ZNF875: variants seen among roughly 807,000 people sequenced by gnomAD.
ZNF875 encodes HKR1, GLI-Kruppel zinc finger family member.
In ZNF875, 14 loss-of-function variants were observed where a neutral mutation model predicts 11.2. The observed-to-expected ratio is 1.26, with a 90% CI of 0.83 to 1.96. The LOEUF (loss-of-function observed/expected upper bound fraction) is 1.96, where lower values mean the gene tolerates loss of function less well. Ranked by LOEUF, ZNF875 falls within the 30% of genes most tolerant of loss-of-function variation. ZNF875 has a pLI of 0.00. For missense variants in ZNF875, 752 were observed against 760.4 expected (o/e 0.99, Z 0.13); for synonymous variants, 301 against 281.1 (o/e 1.07, Z -0.71).
At chr19:37,317,638 G>C (rs368915503), upstream of ZNF875, among the ~76,000 whole-genome samples, 1 of 152,212 alleles carries the variant, frequency 6.6e-6, no homozygotes, top group Non-Finnish European at 1.5e-5. Flanking sequence ...TTGGTTTGGC[G>C]CAGCGGGTAG....
intron 4 of ZNF875, chr19:37,357,929 G>A (rs1197871808): frequency 1.0e-5 from 4 of 398,262 alleles, no homozygotes; most frequent in African/African-American, 6.2e-5. Flanking sequence ...CGAGTGGTGA[G>A]AGCAGACATC....
chr19:37,325,468 T>A (rs545852212), intron 4 of ZNF875, among the ~76,000 whole-genome samples: 1 of 152,366 alleles, frequency 6.6e-6, no homozygotes, highest in South Asian at 2.1e-4. Flanking sequence ...AATTAATGTT[T>A]TATTTCACCT....
chr19:37,330,807 A>G (rs2033250878), upstream of ZNF875, among the ~76,000 whole-genome samples: 1 of 152,164 alleles, frequency 6.6e-6, no homozygotes, highest in African/African-American at 2.4e-5. Context: ...TCTGTCCCCA[A>G]GATTCTGGAA....
chr19:37,343,822 G>T (rs2036250034), intron 2 of ZNF875, among the ~76,000 whole-genome samples: 1 of 152,106 alleles, frequency 6.6e-6, no homozygotes, highest in Non-Finnish European at 1.5e-5. Flanking sequence ...GGCCATCACT[G>T]TACCCATCCA....
Position 37,362,126 on chromosome 19 carries a change from C to G in ZNF875, c.274C>G (p.Gln92Glu). Reference protein sequence around the residue: ...DLCPESKPEIQLSPSCPLIFS... With the variant: ...DLCPESKPEIELSPSCPLIFS... ...TTCAGCAGAATCGAAGCCAGAAATTCAACTTAGTCCCTCCTGCCCTCTGAT... is the reference window on the plus strand; with the variant it reads ...TTCAGCAGAATCGAAGCCAGAAATTGAACTTAGTCCCTCCTGCCCTCTGAT... Residue 92 changes from glutamine to glutamate, a missense_variant, in exon 5 of 5, where the codon CAA (glutamine) becomes GAA (glutamate). Physicochemically the swap from Gln to Glu is conservative, Grantham distance 29. Transcript: ENST00000392153. The G allele has an allele frequency of 6.2e-7, 1 of 1,610,798 alleles. No individual in the cohort carries two copies. The highest frequency in any genetic ancestry group is 8.5e-7 in the Non-Finnish European group (1 of 1,178,380).
intron 1 of ZNF875, among the ~76,000 whole-genome samples, chr19:37,321,161 C>A (rs1461352329): frequency 6.6e-6 from 1 of 152,006 alleles, no homozygotes; most frequent in East Asian, 1.9e-4. Context: ...GAATATGGCC[C>A]CGTGGGAAGG....
Position 37,363,416 on chromosome 19 carries a change from A to G in ZNF875, c.1564A>G (p.Ile522Val). The change falls in exon 5 of 5, where the codon ATT becomes GTT. Residue 522 changes from isoleucine to valine, a missense_variant. By Grantham distance (29) the Ile-to-Val change is conservative (BLOSUM62 3). Coordinates refer to ENST00000392153, the MANE Select transcript of ZNF875 (RefSeq NM_001353803.2). ...AGGCTTTAATGATAAGTCCACCCTCATTTCACACCAGAGGACACATTCAGG... is the reference window on the plus strand; with the variant it reads ...AGGCTTTAATGATAAGTCCACCCTCGTTTCACACCAGAGGACACATTCAGG... Reference protein sequence around the residue: ...GRGFNDKSTLISHQRTHSGEK... With the variant: ...GRGFNDKSTLVSHQRTHSGEK... The G allele has an allele frequency of 6.2e-7, 1 of 1,614,022 alleles. No homozygotes were observed. Among genetic ancestry groups the G allele is most frequent in the Non-Finnish European group, 8.5e-7 (1 of 1,179,970 alleles).
At chr19:37,323,196 C>A (rs2031822320) in intron 2 of ZNF875, among the ~76,000 whole-genome samples, 1 of 151,852 alleles carries the variant, frequency 6.6e-6, no homozygotes, top group South Asian at 2.1e-4. Flanking sequence ...CTCTGTTTCC[C>A]AGGCTGGAGT....
intron 2 of ZNF875, among the ~76,000 whole-genome samples, chr19:37,323,186 C>G (rs2031819147): frequency 6.6e-6 from 1 of 151,304 alleles, no homozygotes; most frequent in Non-Finnish European, 1.5e-5. Context: ...CAGAGTCTCA[C>G]TCTGTTTCCC....
intron 4 of ZNF875, among the ~76,000 whole-genome samples, chr19:37,349,097 A>G (rs1489107013): frequency 6.6e-6 from 1 of 152,048 alleles, no homozygotes; most frequent in Non-Finnish European, 1.5e-5. Flanking sequence ...GCAGAGTCCC[A>G]GTCTCTGCCT....
At chr19:37,335,121 G>A (rs763806484) in intron 1 of ZNF875, 48 bp from the exon 2 acceptor site, 76 of 677,100 alleles carry the variant, frequency 1.1e-4, no homozygotes, top group Non-Finnish European at 1.9e-4. Context: ...CACTTCGTGG[G>A]GAGGGTGTTT....
chr19:37,341,868 A>C (rs1031496580), intron 2 of ZNF875, among the ~76,000 whole-genome samples: 3 of 152,212 alleles, frequency 2.0e-5, no homozygotes, highest in African/African-American at 7.2e-5. Flanking sequence ...CCTACCTAAC[A>C]TACAGTGGTG....
In ZNF875 at chr19:37,362,375, A is replaced by G. The variant is rs1007007851; in HGVS notation, c.523A>G (p.Lys175Glu). The G allele has an allele frequency of 6.2e-7, 1 of 1,614,036 alleles. No homozygotes were observed. The highest frequency in any genetic ancestry group is 1.3e-5 in the African/African-American group (1 of 74,938). ...FGRVSKNGTS[K>E]ALSSPPEEQQ... is the part of the protein sequence containing the mutation. ...GAGAGTAAGCAAAAATGGCACTTCAAAGGCACTTTCCAGCCCACCTGAAGA... is the reference window on the plus strand; with the variant it reads ...GAGAGTAAGCAAAAATGGCACTTCAGAGGCACTTTCCAGCCCACCTGAAGA... The change falls in exon 5 of 5, where the codon AAG (lysine) becomes GAG (glutamate). Residue 175 changes from lysine to glutamate, a missense_variant. By Grantham distance (56) the Lys-to-Glu change is moderately conservative. Coordinates refer to ENST00000392153, the MANE Select transcript of ZNF875 (RefSeq NM_001353803.2).
chr19:37,352,368 G>T (rs1260021716), intron 4 of ZNF875, among the ~76,000 whole-genome samples: 3 of 152,078 alleles, frequency 2.0e-5, no homozygotes, highest in East Asian at 3.9e-4. Context: ...AGCCTCCTGA[G>T]TAGCTGGGAT....
upstream of ZNF875, chr19:37,314,750 C>CAAAAA (rs767009285): frequency 1.2e-5 from 1 of 85,970 alleles, no homozygotes; most frequent in Non-Finnish European, 2.6e-5. Context: ...GACTCTGTCT[C>CAAAAA]AAAAAAAAAA....
At chr19:37,359,432 C>T (rs1220458974) in intron 4 of ZNF875, 2 of 250,492 alleles carry the variant, frequency 8.0e-6, no homozygotes, top group South Asian at 3.5e-5. Context: ...TTAGATGGAG[C>T]CTTGCTCTGT....
chr19:37,364,135 T>C lies in ZNF875; in HGVS notation c.*360T>C. ...GAAGACAGTCCCGGCTAAATCCTCATACTGAATTGAGAACCTGTCTTCCCA... is the reference window on the plus strand; with the variant it reads ...GAAGACAGTCCCGGCTAAATCCTCACACTGAATTGAGAACCTGTCTTCCCA... On this transcript the variant is annotated 3_prime_UTR_variant, in exon 5 of 5. Transcript: ENST00000392153. 1 of 225,184 alleles carries C rather than the reference T, an allele frequency of 4.4e-6. No individual in the cohort carries two copies. The highest frequency in any genetic ancestry group is 1.0e-4 in the East Asian group (1 of 9,640). 13.9% of individuals were successfully genotyped at this position (225,184 alleles called of 1,614,324 possible). A position where few individuals can be genotyped will look rare whatever the true frequency, so the allele number is the denominator to read the frequency against.
chr19:37,363,852 C>A lies in ZNF875; in HGVS notation c.*77C>A. 7.8e-7 allele frequency: 1 copy of A among 1,277,996 alleles called. No homozygotes were observed. The highest frequency in any genetic ancestry group is 1.1e-6 in the Non-Finnish European group (1 of 896,906). 79.2% of individuals were successfully genotyped at this position (1,277,996 alleles called of 1,614,324 possible). A position where few individuals can be genotyped will look rare whatever the true frequency, so the allele number is the denominator to read the frequency against. On this transcript the variant is annotated 3_prime_UTR_variant, in exon 5 of 5. Coordinates refer to ENST00000392153, the MANE Select transcript of ZNF875 (RefSeq NM_001353803.2). ...TTCATCAGACACCAGAGGACACACA[C>A]AGTGCTGTGGCTTTTTCAGCCATTG...
intron 3 of ZNF875, among the ~76,000 whole-genome samples, chr19:37,323,842 G>T (rs1169986051): frequency 1.3e-5 from 2 of 152,200 alleles, no homozygotes; most frequent in Non-Finnish European, 2.9e-5. Context: ...GAGCTGTGGG[G>T]ACGGTGGTTT....
Sources: allele counts gnomAD v4.1 joint callset (sites outside exome capture counted in the v4.1 genomes callset), GRCh38; gene constraint gnomAD v4.1.1; transcripts MANE v1.5; gene names NCBI Gene and HGNC (gene_info 2026-07-23, HGNC 2026-07-21).